The following FAM32A variants were observed in gnomAD, a reference collection of about 807,000 sequenced individuals.
The protein encoded by FAM32A is family with sequence similarity 32 member A, also known as protein FAM32A.
A neutral mutation model predicts 15.8 loss-of-function variants in FAM32A; 9 were observed. That is an observed-to-expected ratio of 0.57 (90% confidence interval 0.34 to 1.00). The LOEUF is 1.00. FAM32A is among the 50% of genes least tolerant of loss of function. FAM32A has a pLI of 0.02. For missense variants in FAM32A, 113 were observed against 138.3 expected (o/e 0.82, Z 0.92); for synonymous variants, 64 against 54.9 (o/e 1.16, Z -0.73).
rs572701261 is a variant in FAM32A, at chr19:16,190,036, A to G, written c.217-484A>G. ...ATTGAGTGTTTGAAGTGAGGATCAGAGCAGGTCATGGTGCAGGAGGCATAT... is the reference window on the plus strand; with the variant it reads ...ATTGAGTGTTTGAAGTGAGGATCAGGGCAGGTCATGGTGCAGGAGGCATAT... On this transcript the variant is annotated intron_variant, in intron 2 of 3. Transcript: ENST00000263384. Among the ~76,000 whole-genome samples, 6 of 152,220 alleles carry G rather than the reference A, an allele frequency of 3.9e-5. No individual in the cohort carries two copies. The South Asian group carries it at 1.2e-3, about 32-fold the overall frequency.
rs1328795400 is a variant in FAM32A at position 16,191,171 on chromosome 19, G to T, written c.*216G>T. 2.5e-5 allele frequency: 14 copies of T among 560,672 alleles called. No individual in the cohort carries two copies. The South Asian group carries it at 2.8e-4, about 11-fold the overall frequency. 34.7% of individuals were successfully genotyped at this position (560,672 alleles called of 1,614,324 possible). ...TTAGGCTTCTTGGCAACATACAGAA[G>T]ATACACCCTTTTCGTTTGGATGGAA... On this transcript the variant is annotated 3_prime_UTR_variant, in exon 4 of 4. Transcript: ENST00000263384.
In FAM32A at chr19:16,185,484, GA is replaced by G; in HGVS notation, c.45del (p.Gly16AlafsTer7). 1 of 1,564,442 alleles carries G rather than the reference GA, an allele frequency of 6.4e-7. No homozygotes were observed. The highest frequency in any genetic ancestry group is 1.2e-5 in the South Asian group (1 of 84,986). Reference sequence around the variant, plus strand: ...AGGTCCAAAAGGGACCCCTGAAGCTGAAAGGCGTCGCAGAGCTGGGAGTGAC... The same window carrying G: ...AGGTCCAAAAGGGACCCCTGAAGCTGAAGGCGTCGCAGAGCTGGGAGTGAC... ...EQVQKGPLKL[K>X]GVAELGVTKR... On this transcript the variant is annotated frameshift_variant, in exon 1 of 4. Coordinates refer to ENST00000263384, the MANE Select transcript of FAM32A (RefSeq NM_014077.4). LOFTEE classifies it high-confidence loss of function.
intron 2 of FAM32A, among the ~76,000 whole-genome samples, chr19:16,189,668 CTTTTTTTT>C (rs71178652): frequency 1.6e-3 from 93 of 58,584 alleles, no homozygotes; most frequent in African/African-American, 4.7e-3. Flanking sequence ...CACTCCAACT[CTTTTTTTT>C]TTTTTTTTTT....
intron 2 of FAM32A, among the ~76,000 whole-genome samples, chr19:16,190,071 A>C (rs1386205466): frequency 6.6e-6 from 1 of 151,998 alleles, no homozygotes; most frequent in East Asian, 1.9e-4. Context: ...TTTCAGAATA[A>C]CCCTGGGGAT....
At chr19:16,188,363 T>C (rs285236) in intron 2 of FAM32A, among the ~76,000 whole-genome samples, 126,618 of 152,134 alleles carry the variant, frequency 0.83, 52,803 homozygotes, top group East Asian at 0.96. Context: ...TGGGAAGGAT[T>C]GCAGGTAAAG....
Position 16,185,609 on chromosome 19 carries a change from CAT to C in FAM32A, c.75-14_75-13del. The C allele has an allele frequency of 1.3e-6, 2 of 1,598,080 alleles. No homozygotes were observed. Among genetic ancestry groups the C allele is most frequent in the Non-Finnish European group, 1.7e-6 (2 of 1,171,582 alleles). ...CTGATCCTCCGACCCGCCGCCTCCT[CAT>C]GTCTTTTTCCAGGAAGAAGAAAAAG... On this transcript the variant is annotated splice_polypyrimidine_tract_variant and intron_variant, in intron 1 of 3. Coordinates refer to ENST00000263384, the MANE Select transcript of FAM32A (RefSeq NM_014077.4).
rs1484147754 is a variant in FAM32A at position 16,185,481 on chromosome 19, G to C, written c.39G>C (p.Lys13Asn). ...AGCAGGTCCAAAAGGGACCCCTGAAGCTGAAAGGCGTCGCAGAGCTGGGAG... is the reference window on the plus strand; with the variant it reads ...AGCAGGTCCAAAAGGGACCCCTGAACCTGAAAGGCGTCGCAGAGCTGGGAG... ...AYEQVQKGPL[K>N]LKGVAELGVT... The change falls in exon 1 of 4, where the codon AAG (lysine) becomes AAC (asparagine). Residue 13 changes from lysine to asparagine, a missense_variant. This residue lies in a region of FAM32A where 112 missense variants were observed against 118.6 expected (regional missense o/e 0.94). Coordinates refer to ENST00000263384, the MANE Select transcript of FAM32A (RefSeq NM_014077.4). 1 of 1,564,064 alleles carries C rather than the reference G, an allele frequency of 6.4e-7. No homozygotes were observed. Among genetic ancestry groups the C allele is most frequent in the African/African-American group, 1.4e-5 (1 of 73,842 alleles).
chr19:16,189,971 C>T lies in FAM32A; in HGVS notation c.217-549C>T, dbSNP rs150802649. Among the ~76,000 whole-genome samples, 353 of 152,142 alleles carry T rather than the reference C, an allele frequency of 2.3e-3. 1 individual carries two copies. The highest frequency in any genetic ancestry group is 8.2e-3 in the African/African-American group (342 of 41,538). On this transcript the variant is annotated intron_variant, in intron 2 of 3. Transcript: ENST00000263384. ...GGCATGAGCCACCGCGCCCAGCCCACACTCCCAGCTGCTACCAGATACTGA... is the reference window on the plus strand; with the variant it reads ...GGCATGAGCCACCGCGCCCAGCCCATACTCCCAGCTGCTACCAGATACTGA...
intron 2 of FAM32A, among the ~76,000 whole-genome samples, chr19:16,189,680 T>C (rs962995803): frequency 3.7e-5 from 5 of 134,316 alleles, no homozygotes; most frequent in Admixed American, 2.3e-4. Flanking sequence ...TTTTTTTTTT[T>C]TTTTTTTTTT....
At chr19:16,190,788 G>A in intron 3 of FAM32A, 99 bp from the exon 4 acceptor site, 1 of 1,056,582 alleles carries the variant, frequency 9.5e-7, no homozygotes, top group Non-Finnish European at 1.5e-6. Flanking sequence ...GGGCTCAGGA[G>A]AGATAGGATG....
intron 2 of FAM32A, 23 bp downstream of exon 2, chr19:16,185,788 G>A (rs1599443750): frequency 1.4e-5 from 21 of 1,543,688 alleles, no homozygotes; most frequent in Non-Finnish European, 1.7e-5. Flanking sequence ...AGAAGGCGGC[G>A]GGGAGGCGGG....
intron 2 of FAM32A, among the ~76,000 whole-genome samples, chr19:16,188,229 G>C (rs1033257199): frequency 6.6e-6 from 1 of 152,188 alleles, no homozygotes; most frequent in Non-Finnish European, 1.5e-5. Context: ...TTTGGAATAG[G>C]TTTTCAAGGA....
Position 16,190,561 on chromosome 19 carries a change from G to A in FAM32A, c.258G>A (p.Lys86=). ...TAAAGAAGGCATCCAAAACCCACAA[G>A]CAGAGAGTGGAGGTGAGTCGCCGTG... ...RILKKASKTH[K]QRVEDFNRHL... Residue 86 remains lysine, a synonymous_variant, in exon 3 of 4, where the codon AAG becomes AAA. Transcript: ENST00000263384. The A allele has an allele frequency of 2.5e-6, 4 of 1,613,192 alleles. No homozygotes were observed. Among genetic ancestry groups the A allele is most frequent in the Non-Finnish European group, 3.4e-6 (4 of 1,179,396 alleles).
chr19:16,186,851 G>T (rs1057171550), intron 2 of FAM32A: 2 of 152,140 alleles, frequency 1.3e-5, no homozygotes, highest in African/African-American at 4.8e-5. Flanking sequence ...TTGGGGTGGG[G>T]ACTACTGGCA....
intron 2 of FAM32A, among the ~76,000 whole-genome samples, chr19:16,187,720 G>C (rs143481442): frequency 5.7e-4 from 87 of 151,950 alleles, no homozygotes; most frequent in African/African-American, 2.0e-3. Context: ...CAAATTGCTG[G>C]GATTACAGGC....
At chr19:16,187,075 ACACATGGATG>A (rs1399145058) in intron 2 of FAM32A, among the ~76,000 whole-genome samples, 10 of 152,126 alleles carry the variant, frequency 6.6e-5, no homozygotes, top group Admixed American at 5.9e-4. Flanking sequence ...CATACAGAAA[ACACATGGATG>A]CACTACCTCT....
chr19:16,189,793 A>AGC (rs2091399180), intron 2 of FAM32A, among the ~76,000 whole-genome samples: 1 of 142,964 alleles, frequency 7.0e-6, no homozygotes. Context: ...CTCTCACCCC[A>AGC]GCCTCTTGAG....
intron 2 of FAM32A, chr19:16,189,534 G>A (rs893090494): frequency 6.6e-6 from 1 of 152,140 alleles, no homozygotes. Context: ...GTGGCATGGG[G>A]ACTGCACAAG....
intron 2 of FAM32A, chr19:16,187,471 C>T (rs970704988): frequency 1.3e-5 from 2 of 151,060 alleles, no homozygotes; most frequent in African/African-American, 4.8e-5. Flanking sequence ...CTCAGTGAGA[C>T]TCAGTCTGGC....
Sources: gnomAD v4.1 joint callset for allele counts (sites outside exome capture counted in the v4.1 genomes callset) on GRCh38, gnomAD v4.1.1 for gene constraint, gnomAD v4.1.1 regional missense constraint, MANE v1.5 for transcripts, NCBI Gene and HGNC (gene_info 2026-07-23, HGNC 2026-07-21) for gene names.